CAVIN1: variants seen among roughly 807,000 people sequenced by gnomAD.
The protein encoded by CAVIN1 is caveolae associated protein 1, also known as caveolae-associated protein 1.
A neutral mutation model predicts 24.0 loss-of-function variants in CAVIN1; 16 were observed. The ratio of observed to expected loss-of-function variants is 0.67; its 90% CI spans 0.45 to 1.01. The LOEUF (loss-of-function observed/expected upper bound fraction) is 1.01, where lower values mean the gene tolerates loss of function less well. CAVIN1 is among the 50% of genes least tolerant of loss of function. The pLI is 0.00. For missense variants in CAVIN1, 510 were observed against 551.7 expected (o/e 0.92, Z 0.76); for synonymous variants, 256 against 256.4 (o/e 1.00, Z 0.02).
chr17:42,411,711 A>T (rs1272262412), intron 1 of CAVIN1: 3 of 985,446 alleles, frequency 3.0e-6, no homozygotes, highest in Non-Finnish European at 3.6e-6. Flanking sequence ...GTTGTCCCTC[A>T]GGAGGAGGCA....
chr17:42,408,327 G>A (rs1039393208), intron 1 of CAVIN1, among the ~76,000 whole-genome samples: 1 of 151,596 alleles, frequency 6.6e-6, no homozygotes, highest in Non-Finnish European at 1.5e-5. Flanking sequence ...CCTGGCCTGT[G>A]GCTTCCTAGA....
At chr17:42,422,297 G>C (rs1013615324) in intron 1 of CAVIN1, among the ~76,000 whole-genome samples, 3 of 152,232 alleles carry the variant, frequency 2.0e-5, no homozygotes, top group Non-Finnish European at 2.9e-5. Context: ...TAGGGAGGGA[G>C]CGGTCTGCGA....
At position 42,422,841 on chromosome 17, in the gene CAVIN1, A is replaced by G. The variant is rs1323817489; in HGVS notation, c.257T>C (p.Val86Ala). 2 of 1,613,714 alleles carry G rather than the reference A, an allele frequency of 1.2e-6. No homozygotes were observed. The highest frequency in any genetic ancestry group is 1.7e-5 in the Admixed American group (1 of 59,992). ...EERQAEMEGA[V>A]QSIQGELSKL... ...GCTCAGCTCGCCCTGGATGCTCTGC[A>G]CTGCGCCCTCCATCTCCGCCTGCCG... Residue 86 changes from valine to alanine, a missense_variant, in exon 1 of 2, where the codon GTG (valine) becomes GCG (alanine). Physicochemically the swap from Val to Ala is moderately conservative, Grantham distance 64. Coordinates refer to ENST00000357037, the MANE Select transcript of CAVIN1 (RefSeq NM_012232.6).
chr17:42,422,505 G>A, intron 1 of CAVIN1, 122 bp downstream of exon 1: 1 of 185,318 alleles, frequency 5.4e-6, no homozygotes, highest in South Asian at 7.7e-5. Context: ...TGGATCTGCC[G>A]GGCGCCCGGG....
At chr17:42,413,180 T>A (rs1192492212) in intron 1 of CAVIN1, among the ~76,000 whole-genome samples, 1 of 149,698 alleles carries the variant, frequency 6.7e-6, no homozygotes, top group Non-Finnish European at 1.5e-5. Context: ...TGATCTGCCC[T>A]CCTTGGGCTC....
At position 42,404,917 on chromosome 17, in the gene CAVIN1, C is replaced by T. The variant is rs756338972; in HGVS notation, c.943G>A (p.Val315Ile). The change falls in exon 2 of 2, where the codon GTC becomes ATC. Residue 315 changes from valine (V) to isoleucine (I), a missense_variant. Physicochemically the swap from Val to Ile is conservative, Grantham distance 29 (BLOSUM62 3). Transcript: ENST00000357037. Reference protein sequence around the residue: ...HVVYARSKTAVYKVPPFTFHV... With the variant: ...HVVYARSKTAIYKVPPFTFHV... ...AAGGTGAAGGGTGGCACCTTGTAGA[C>T]CGCGGTCTTGGAGCGCGCGTACACC... 45 of 1,613,964 alleles carry T rather than the reference C, an allele frequency of 2.8e-5. No homozygotes were observed. In the South Asian group the frequency reaches 4.6e-4, roughly 17 times the overall value.
At chr17:42,411,549 G>A (rs2085478919) in intron 1 of CAVIN1, 9 of 985,338 alleles carry the variant, frequency 9.1e-6, no homozygotes, top group South Asian at 4.7e-5. Flanking sequence ...AAACATAAGC[G>A]ATCTCTTTGC....
chr17:42,409,930 T>C (rs1438165824), intron 1 of CAVIN1, among the ~76,000 whole-genome samples: 1 of 152,098 alleles, frequency 6.6e-6, no homozygotes, highest in African/African-American at 2.4e-5. Context: ...TGACCAGCTC[T>C]GAACAAAAGC....
intron 1 of CAVIN1, among the ~76,000 whole-genome samples, chr17:42,414,530 T>G (rs2085500265): frequency 6.6e-6 from 1 of 152,206 alleles, no homozygotes; most frequent in Admixed American, 6.5e-5. Flanking sequence ...CACATCACTG[T>G]GCCTGGCAAA....
rs201393181 is a variant in CAVIN1 at position 42,408,032 on chromosome 17, T to TA, written c.472-2645dup. Among the ~76,000 whole-genome samples, 834 of 151,788 alleles carry TA rather than the reference T, an allele frequency of 5.5e-3. 9 individuals carry two copies. The highest frequency in any genetic ancestry group is 0.019 in the African/African-American group (789 of 41,360). ...CTGCAGCCCCAGTATATATATATAT[T>TA]AAAAAAAATTCAGCTCTGATCTTTC... On this transcript the variant is annotated intron_variant, in intron 1 of 1. Transcript: ENST00000357037.
Position 42,411,193 on chromosome 17 carries a change from A to AAAAAAAAAAAAC in CAVIN1, c.472-5806_472-5805insGTTTTTTTTTTT, listed in dbSNP as rs1491159962. 1.5e-4 allele frequency among the ~76,000 whole-genome samples: 7 copies of AAAAAAAAAAAAC among 46,144 alleles called. 2 individuals are homozygous for AAAAAAAAAAAAC. The highest frequency in any genetic ancestry group is 1.5e-4 in the Non-Finnish European group (3 of 19,392). The allele number at this position is 46,144 out of a possible 152,430, so 30.3% of individuals were successfully genotyped here. Reference sequence around the variant, plus strand: ...GGGTGACAGAGTAGGACTATGTCTCAAAAAAAAAAAAAAAAACTAAAAGGT... The same window carrying AAAAAAAAAAAAC: ...GGGTGACAGAGTAGGACTATGTCTCAAAAAAAAAAAACAAAAAAAAAAAAAAAACTAAAAGGT... On this transcript the variant is annotated intron_variant, in intron 1 of 1. Transcript: ENST00000357037.
At chr17:42,421,389 G>C (rs79417495) in intron 1 of CAVIN1, among the ~76,000 whole-genome samples, 1 of 152,256 alleles carries the variant, frequency 6.6e-6, no homozygotes, top group East Asian at 1.9e-4. Flanking sequence ...TAACTTGGAG[G>C]GTGTGGGAAA....
At chr17:42,410,642 TG>T (rs1402360335) in intron 1 of CAVIN1, among the ~76,000 whole-genome samples, 1 of 151,954 alleles carries the variant, frequency 6.6e-6, no homozygotes, top group African/African-American at 2.4e-5. Flanking sequence ...GGCCGGGTGC[TG>T]TGGCTCAAGG....
At chr17:42,405,664 T>TTC (rs1430511648) in intron 1 of CAVIN1, among the ~76,000 whole-genome samples, 6 of 145,816 alleles carry the variant, frequency 4.1e-5, no homozygotes, top group African/African-American at 1.5e-4. Context: ...TCGCCATTCT[T>TTC]TCTCTCTCTC....
intron 1 of CAVIN1, among the ~76,000 whole-genome samples, chr17:42,407,204 A>C (rs2085451247): frequency 6.6e-6 from 1 of 152,106 alleles, no homozygotes; most frequent in Non-Finnish European, 1.5e-5. Flanking sequence ...AGAAAGGGAA[A>C]GGGCAGACCA....
intron 1 of CAVIN1, chr17:42,411,926 G>A (rs901510400): frequency 1.8e-5 from 18 of 985,234 alleles, no homozygotes; most frequent in South Asian, 9.4e-5. Flanking sequence ...CCCGGCACCC[G>A]TCCACAGTGG....
At chr17:42,415,281 G>A (rs1474120869) in intron 1 of CAVIN1, among the ~76,000 whole-genome samples, 2 of 152,162 alleles carry the variant, frequency 1.3e-5, no homozygotes, top group African/African-American at 4.8e-5. Context: ...GGGTACACCT[G>A]GGTTCTGGCT....
chr17:42,412,315 G>A, intron 1 of CAVIN1: 3 of 984,484 alleles, frequency 3.0e-6, no homozygotes, highest in South Asian at 9.4e-5. Flanking sequence ...GAGAAAAAAG[G>A]GCCTTGGTGG....
At chr17:42,411,120 G>A (rs2085473669) in intron 1 of CAVIN1, among the ~76,000 whole-genome samples, 1 of 142,314 alleles carries the variant, frequency 7.0e-6, no homozygotes, top group Admixed American at 7.5e-5. Context: ...TTGAACCGAG[G>A]AGGTGGAGGT....
Sources: allele counts gnomAD v4.1 joint callset (sites outside exome capture counted in the v4.1 genomes callset), GRCh38; gene constraint gnomAD v4.1.1; transcripts MANE v1.5; gene names NCBI Gene and HGNC (gene_info 2026-07-23, HGNC 2026-07-21).